Variants in SPIDR observed in about 807,000 individuals in gnomAD.
SPIDR encodes scaffold protein involved in DNA repair.
SPIDR carries 93 observed loss-of-function variants against 104.6 expected under a neutral mutation model. The observed-to-expected ratio is 0.89, with a 90% CI of 0.75 to 1.06. The LOEUF (loss-of-function observed/expected upper bound fraction) is 1.06, where lower values mean the gene tolerates loss of function less well. Among genes scored for constraint, SPIDR ranks in the 50% least tolerant of loss-of-function variants. SPIDR has a pLI of 0.00. For missense variants in SPIDR, 1,154 were observed against 1,111.2 expected, an observed-to-expected ratio of 1.04 and a Z score of -0.55; for synonymous variants, 431 against 416.9, an observed-to-expected ratio of 1.03 and a Z score of -0.41.
chr8:47,454,421 G>A (rs2072533892), intron 8 of SPIDR, among the ~76,000 whole-genome samples: 1 of 151,928 alleles, frequency 6.6e-6, no homozygotes, highest in South Asian at 2.1e-4. Flanking sequence ...GGTGGGAAGT[G>A]GAAAATGAGA....
intron 5 of SPIDR, among the ~76,000 whole-genome samples, chr8:47,340,144 C>T (rs1554612904): frequency 2.0e-5 from 3 of 151,956 alleles, no homozygotes. Flanking sequence ...TCTTTCTTCA[C>T]CTTCCAAGTA....
chr8:47,446,616 T>A (rs2070683850), intron 8 of SPIDR, among the ~76,000 whole-genome samples: 1 of 149,948 alleles, frequency 6.7e-6, no homozygotes. Context: ...AGATGGAGTC[T>A]CAGTCTGTTG....
At chr8:47,469,528 A>T (rs1586242446) in intron 8 of SPIDR, among the ~76,000 whole-genome samples, 1 of 152,282 alleles carries the variant, frequency 6.6e-6, no homozygotes, top group Non-Finnish European at 1.5e-5. Flanking sequence ...ACTACAGAAT[A>T]CCATGCAGCC....
At chr8:47,522,725 G>T (rs2084361702) in intron 8 of SPIDR, among the ~76,000 whole-genome samples, 1 of 152,076 alleles carries the variant, frequency 6.6e-6, no homozygotes, top group Admixed American at 6.5e-5. Context: ...TTAAAAACAT[G>T]GTTTTTAAAG....
chr8:47,339,576 G>A (rs1331459637), intron 5 of SPIDR, among the ~76,000 whole-genome samples: 1 of 151,772 alleles, frequency 6.6e-6, no homozygotes, highest in Non-Finnish European at 1.5e-5. Flanking sequence ...GATATTCTTT[G>A]CATTTAGAGG....
At chr8:47,684,152 C>A (rs1453997685) in intron 11 of SPIDR, among the ~76,000 whole-genome samples, 1 of 128,322 alleles carries the variant, frequency 7.8e-6, no homozygotes, top group Admixed American at 8.2e-5. Context: ...AAAAAAAAAA[C>A]CTGATTAATA....
At chr8:47,357,820 GA>G in intron 5 of SPIDR, 1 of 982,360 alleles carries the variant, frequency 1.0e-6, no homozygotes, top group Non-Finnish European at 1.2e-6. Flanking sequence ...AAGGAGAAAG[GA>G]AAGGAGATCT....
intron 8 of SPIDR, among the ~76,000 whole-genome samples, chr8:47,504,989 G>T (rs939565757): frequency 1.3e-5 from 2 of 152,190 alleles, no homozygotes; most frequent in Non-Finnish European, 2.9e-5. Flanking sequence ...TCGTTTCTCT[G>T]GAAGTTTTGT....
chr8:47,317,989 G>A (rs2045748887), intron 5 of SPIDR, among the ~76,000 whole-genome samples: 1 of 152,096 alleles, frequency 6.6e-6, no homozygotes, highest in Admixed American at 6.5e-5. Context: ...CCACAAAGAT[G>A]GAGAAAAAAC....
chr8:47,643,646 G>A lies in SPIDR; in HGVS notation c.1545-30155G>A, dbSNP rs938062948. ...CTCCCAAAGTTCTGGGATTACAGGC[G>A]TGAGCCATTGTGCCTGACCGCAACT... On this transcript the variant is annotated intron_variant, in intron 10 of 19. Coordinates refer to ENST00000297423, the MANE Select transcript of SPIDR (RefSeq NM_001080394.4). Among the ~76,000 whole-genome samples the A allele has an allele frequency of 1.1e-4, 16 of 152,190 alleles. 1 individual carries two copies. The East Asian group carries it at 1.7e-3, about 17-fold the overall frequency.
intron 10 of SPIDR, chr8:47,653,970 T>A: frequency 8.0e-7 from 1 of 1,246,776 alleles, no homozygotes; most frequent in Non-Finnish European, 1.0e-6. Flanking sequence ...AGTTTGACTT[T>A]GAAAAATGAT....
chr8:47,333,848 C>T (rs967929632), intron 5 of SPIDR, among the ~76,000 whole-genome samples: 1 of 152,088 alleles, frequency 6.6e-6, no homozygotes, highest in Non-Finnish European at 1.5e-5. Flanking sequence ...CTTACAAGAC[C>T]AGCGTTGTAT....
intron 10 of SPIDR, among the ~76,000 whole-genome samples, chr8:47,601,487 G>C (rs980403163): frequency 6.6e-6 from 1 of 151,988 alleles, no homozygotes; most frequent in Admixed American, 6.6e-5. Flanking sequence ...CGAGGTCAGG[G>C]GATCGAGACC....
chr8:47,381,416 A>G (rs2059311871), intron 5 of SPIDR, among the ~76,000 whole-genome samples: 2 of 150,094 alleles, frequency 1.3e-5, no homozygotes, highest in Non-Finnish European at 3.0e-5. Flanking sequence ...TGTTGCTCTT[A>G]CCATCCAACC....
At chr8:47,486,154 T>A (rs1554731032) in intron 8 of SPIDR, among the ~76,000 whole-genome samples, 2 of 152,194 alleles carry the variant, frequency 1.3e-5, no homozygotes, top group African/African-American at 4.8e-5. Flanking sequence ...AGAGAAGTCC[T>A]TAAATGACCT....
chr8:47,724,583 A>C (rs998205913), intron 16 of SPIDR, among the ~76,000 whole-genome samples: 2 of 152,188 alleles, frequency 1.3e-5, no homozygotes, highest in Non-Finnish European at 2.9e-5. Context: ...ATCTGCAGAG[A>C]GTTGGTGCTA....
chr8:47,646,133 G>T (rs934991522), intron 10 of SPIDR, among the ~76,000 whole-genome samples: 8 of 152,154 alleles, frequency 5.3e-5, no homozygotes, highest in African/African-American at 1.9e-4. Flanking sequence ...ATAAAAATGG[G>T]CAAAGGGTAT....
chr8:47,697,572 T>G (rs942507424), intron 11 of SPIDR, among the ~76,000 whole-genome samples: 1 of 152,166 alleles, frequency 6.6e-6, no homozygotes, highest in African/African-American at 2.4e-5. Context: ...GCCTCCCTCC[T>G]CCCGCCTCCA....
intron 11 of SPIDR, among the ~76,000 whole-genome samples, chr8:47,680,774 T>C (rs1391373006): frequency 1.3e-5 from 2 of 152,208 alleles, no homozygotes; most frequent in Non-Finnish European, 2.9e-5. Context: ...TCCTGGTGAC[T>C]TCACCGAAGT....
Sources: gnomAD v4.1 joint callset for allele counts (sites outside exome capture counted in the v4.1 genomes callset) on GRCh38, gnomAD v4.1.1 for gene constraint, MANE v1.5 for transcripts, NCBI Gene and HGNC (gene_info 2026-07-23, HGNC 2026-07-21) for gene names.